BCR: variants seen among roughly 807,000 people sequenced by gnomAD.
BCR encodes BCR activator of RhoGEF and GTPase.
Under a neutral mutation model 138.6 loss-of-function variants are expected in BCR, and 58 were observed. The observed-to-expected ratio is 0.42, with a 90% CI of 0.34 to 0.52. BCR has a LOEUF of 0.52. BCR is among the 20% of genes least tolerant of loss of function. The probability of loss-of-function intolerance (pLI) is 0.06; values close to 1 mark genes in which losing one functional copy is unlikely to be tolerated. For synonymous variants in BCR, 786 were observed against 730.1 expected, an observed-to-expected ratio of 1.08 and a Z score of -1.23; for missense variants, 1,599 against 1,727.2, an observed-to-expected ratio of 0.93 and a Z score of 1.32.
chr22:23,314,820 T>C, intron 22 of BCR, 106 bp downstream of exon 22: 1 of 1,407,254 alleles, frequency 7.1e-7, no homozygotes, highest in South Asian at 1.2e-5. Context: ...TTGTATGTGG[T>C]GTGGCCAACA....
At chr22:23,299,381 A>G (rs1475547277) in intron 16 of BCR, among the ~76,000 whole-genome samples, 1 of 152,056 alleles carries the variant, frequency 6.6e-6, no homozygotes, top group African/African-American at 2.4e-5. Flanking sequence ...CAGGCACATC[A>G]CAGACCCCCC....
intron 16 of BCR, among the ~76,000 whole-genome samples, chr22:23,305,963 G>T (rs2073950971): frequency 6.6e-6 from 1 of 152,194 alleles, no homozygotes; most frequent in Admixed American, 6.5e-5. Flanking sequence ...CTTCTCTGGT[G>T]CTTTAAATAA....
intron 1 of BCR, among the ~76,000 whole-genome samples, chr22:23,222,104 A>AAAAG (rs1555876401): frequency 7.9e-5 from 12 of 151,804 alleles, no homozygotes; most frequent in African/African-American, 2.9e-4. Context: ...AAACAAAAAA[A>AAAAG]AGAGAGAGAA....
intron 1 of BCR, among the ~76,000 whole-genome samples, chr22:23,215,888 G>A (rs1415537502): frequency 6.6e-6 from 1 of 152,212 alleles, no homozygotes; most frequent in Admixed American, 6.5e-5. Flanking sequence ...CCAGGAGTTA[G>A]ATGGTGACTG....
chr22:23,267,929 G>T (rs1481123572), intron 4 of BCR, among the ~76,000 whole-genome samples: 1 of 152,228 alleles, frequency 6.6e-6, no homozygotes, highest in Non-Finnish European at 1.5e-5. Context: ...GCTCTCTTCT[G>T]CAAAGACGGC....
chr22:23,303,617 G>C (rs2073926595), intron 16 of BCR, among the ~76,000 whole-genome samples: 1 of 152,240 alleles, frequency 6.6e-6, no homozygotes, highest in Admixed American at 6.5e-5. Context: ...CAAAATGAGT[G>C]ATGTTTGTTT....
chr22:23,219,226 T>G (rs1355173215), intron 1 of BCR, among the ~76,000 whole-genome samples: 3 of 152,126 alleles, frequency 2.0e-5, no homozygotes, highest in Admixed American at 2.0e-4. Flanking sequence ...ACTGGGTAGG[T>G]GCTTCTCAAG....
In BCR at chr22:23,282,844, G is replaced by T. The variant is rs76590137; in HGVS notation, c.2116-1133G>T. ...GTGAGCCTTCCCTGAGACCAGGTGG[G>T]CTGGGTGCCCACTAAACACTTGGCC... On this transcript the variant is annotated intron_variant, in intron 8 of 22. Coordinates refer to ENST00000305877, the MANE Select transcript of BCR (RefSeq NM_004327.4). Among the ~76,000 whole-genome samples, 847 of 152,322 alleles carry T rather than the reference G, an allele frequency of 5.6e-3. 4 individuals are homozygous for T. The highest frequency in any genetic ancestry group is 8.9e-3 in the Non-Finnish European group (604 of 68,014).
At chr22:23,287,047 G>A in intron 10 of BCR, 112 bp from the exon 11 acceptor site, 4 of 1,520,958 alleles carry the variant, frequency 2.6e-6, no homozygotes, top group African/African-American at 1.4e-5. Flanking sequence ...TGGAGAGATG[G>A]GATTCTTGCC....
At chr22:23,193,502 A>G (rs2072440180) in intron 1 of BCR, among the ~76,000 whole-genome samples, 1 of 152,218 alleles carries the variant, frequency 6.6e-6, no homozygotes, top group Admixed American at 6.5e-5. Context: ...GAAGAAATGC[A>G]TAATTTAGTA....
chr22:23,298,014 G>A (rs118093204), intron 16 of BCR, among the ~76,000 whole-genome samples: 4 of 152,302 alleles, frequency 2.6e-5, no homozygotes, highest in African/African-American at 4.8e-5. Context: ...AGAAAAACCC[G>A]AGCTGGACAG....
chr22:23,270,917 T>C (rs771647410), intron 5 of BCR, among the ~76,000 whole-genome samples: 22 of 152,254 alleles, frequency 1.4e-4, no homozygotes, highest in Admixed American at 7.2e-4. Flanking sequence ...GTAAGTACAC[T>C]TGCAGATCCG....
chr22:23,238,114 G>A (rs1435832197), intron 1 of BCR, among the ~76,000 whole-genome samples: 3 of 152,012 alleles, frequency 2.0e-5, no homozygotes, highest in Admixed American at 6.5e-5. Flanking sequence ...GAGATGAAAC[G>A]AGGAGTTTCA....
intron 1 of BCR, among the ~76,000 whole-genome samples, chr22:23,204,196 A>C (rs980910635): frequency 6.6e-6 from 1 of 152,102 alleles, no homozygotes; most frequent in Non-Finnish European, 1.5e-5. Context: ...CCAGCAGTTC[A>C]GTTTTAGCCA....
At position 23,182,131 on chromosome 22, in the gene BCR, CG is replaced by C; in HGVS notation, c.1173del (p.His392ThrfsTer107). On this transcript the variant is annotated frameshift_variant, in exon 1 of 23. Transcript: ENST00000305877. LOFTEE classifies it high-confidence loss of function. ...SSPPTPQCHK[R>X]HRHCPVVVSE... ...TCCCCCCACGCCGCAGTGCCATAAG[CG>C]GCACCGGCACTGCCCGGTTGTCGTG... 6.2e-7 allele frequency: 1 copy of C among 1,611,214 alleles called. No individual in the cohort carries two copies. The highest frequency in any genetic ancestry group is 8.5e-7 in the Non-Finnish European group (1 of 1,179,950).
chr22:23,222,426 A>G (rs1452137587), intron 1 of BCR, among the ~76,000 whole-genome samples: 1 of 152,252 alleles, frequency 6.6e-6, no homozygotes, highest in Admixed American at 6.5e-5. Flanking sequence ...AGTTCACAGT[A>G]TGTTGGTGGG....
chr22:23,309,790 T>A (rs1244540342), intron 17 of BCR: 39 of 454,396 alleles, frequency 8.6e-5, no homozygotes, highest in Non-Finnish European at 1.4e-4. Flanking sequence ...GACCCCTGAT[T>A]TGTCTTTAGG....
chr22:23,231,518 T>TAAAATAAAATAAAAC (rs2072958439), intron 1 of BCR, among the ~76,000 whole-genome samples: 1 of 149,166 alleles, frequency 6.7e-6, no homozygotes, highest in Non-Finnish European at 1.5e-5. Context: ...TAAAATAAAA[T>TAAAATAAAATAAAAC]AAAATAAAAT....
Position 23,204,141 on chromosome 22 carries a change from C to T in BCR, c.1279+21902C>T, listed in dbSNP as rs1321423907. Among the ~76,000 whole-genome samples the T allele has an allele frequency of 3.3e-5, 5 of 152,128 alleles. No homozygotes were observed. The South Asian group carries it at 6.2e-4, about 19-fold the overall frequency. ...TCAGCACTGACTAGTCGTCCTGCAC[C>T]GTGGAGGGTGTTCCGTCTTATTTTC... On this transcript the variant is annotated intron_variant, in intron 1 of 22. Transcript: ENST00000305877.
Sources: allele counts gnomAD v4.1 joint callset (sites outside exome capture counted in the v4.1 genomes callset), GRCh38; gene constraint gnomAD v4.1.1; transcripts MANE v1.5; gene names NCBI Gene and HGNC (gene_info 2026-07-23, HGNC 2026-07-21).